The following EXOC2 variants were observed in gnomAD, a reference collection of about 807,000 sequenced individuals.
The protein encoded by EXOC2 is SEC5-like 1.
In EXOC2, 70 loss-of-function variants were observed where a neutral mutation model predicts 131.8. The observed-to-expected ratio is 0.53, with a 90% CI of 0.44 to 0.65. EXOC2 has a LOEUF of 0.65. EXOC2 is among the 30% of genes least tolerant of loss of function. The pLI is 0.00. For missense variants in EXOC2, 923 were observed against 1,108.6 expected, an observed-to-expected ratio of 0.83 and a Z score of 2.38; for synonymous variants, 411 against 398.4, an observed-to-expected ratio of 1.03 and a Z score of -0.38.
At chr6:628,403 T>G (rs1761686441) in intron 4 of EXOC2, among the ~76,000 whole-genome samples, 1 of 152,154 alleles carries the variant, frequency 6.6e-6, no homozygotes, top group Non-Finnish European at 1.5e-5. Flanking sequence ...TTAGACGCAG[T>G]TCAGGCCAAA....
intron 1 of EXOC2, among the ~76,000 whole-genome samples, chr6:672,834 A>T (rs866627283): frequency 2.1e-4 from 31 of 151,044 alleles, no homozygotes; most frequent in African/African-American, 7.6e-4. Context: ...AAACTGCAAG[A>T]GCTTTGTTTT....
intron 23 of EXOC2, among the ~76,000 whole-genome samples, 168 bp from the exon 24 acceptor site, chr6:499,868 A>C (rs995713083): frequency 6.6e-6 from 1 of 152,160 alleles, no homozygotes; most frequent in Non-Finnish European, 1.5e-5. Context: ...ATTTCCATAC[A>C]GGTCAAAAAG....
intron 22 of EXOC2, among the ~76,000 whole-genome samples, chr6:533,143 C>T (rs1209219878): frequency 1.3e-5 from 2 of 152,124 alleles, no homozygotes; most frequent in Non-Finnish European, 2.9e-5. Context: ...CCTGGTCTCT[C>T]CCTTGACACG....
chr6:681,593 C>G lies in EXOC2; in HGVS notation c.-44+11426G>C, dbSNP rs550895518. On this transcript the variant is annotated intron_variant, in intron 1 of 27. Coordinates refer to ENST00000230449, the MANE Select transcript of EXOC2 (RefSeq NM_018303.6). ...CTTGTTTTTCAACTATCCTTTAGTC[C>G]TATAAAAACTAGGCCAAAACTCATT... Among the ~76,000 whole-genome samples, 65 of 152,062 alleles carry G rather than the reference C, an allele frequency of 4.3e-4. 1 individual carries two copies. Among genetic ancestry groups the G allele is most frequent in the African/African-American group, 1.6e-3 (65 of 41,462 alleles).
chr6:541,522 C>T (rs1259241132), intron 22 of EXOC2, among the ~76,000 whole-genome samples: 1 of 152,024 alleles, frequency 6.6e-6, no homozygotes, highest in Non-Finnish European at 1.5e-5. Context: ...AATAAAAATA[C>T]AAACAAGCGA....
chr6:567,996 TG>T (rs1281720814), intron 13 of EXOC2, among the ~76,000 whole-genome samples: 1 of 152,146 alleles, frequency 6.6e-6, no homozygotes, highest in African/African-American at 2.4e-5. Context: ...GTGTGACGGT[TG>T]GGGGTTAGGA....
chr6:534,627 C>T (rs995043387), intron 22 of EXOC2, among the ~76,000 whole-genome samples: 4 of 152,182 alleles, frequency 2.6e-5, no homozygotes, highest in East Asian at 1.9e-4. Flanking sequence ...ATTTAGCCAG[C>T]GTGTCATTCT....
At chr6:588,494 A>C (rs1759340678) in intron 11 of EXOC2, among the ~76,000 whole-genome samples, 1 of 152,120 alleles carries the variant, frequency 6.6e-6, no homozygotes, top group Non-Finnish European at 1.5e-5. Flanking sequence ...CTGGGCCTAT[A>C]CCTGGCTATA....
intron 4 of EXOC2, 104 bp downstream of exon 4, chr6:629,731 G>A: frequency 5.0e-6 from 7 of 1,407,842 alleles, no homozygotes; most frequent in Non-Finnish European, 6.7e-6. Context: ...GTCTTCAACT[G>A]TGTTTCCTGG....
chr6:507,076 ACAC>A (rs1163092663), intron 23 of EXOC2, among the ~76,000 whole-genome samples: 1 of 147,336 alleles, frequency 6.8e-6, no homozygotes, highest in East Asian at 2.0e-4. Flanking sequence ...ACACACACAC[ACAC>A]AGCAGTGACT....
At position 598,088 on chromosome 6, in the gene EXOC2, T is replaced by A. The variant is rs746729900; in HGVS notation, c.1006A>T (p.Arg336Ter). ...AEVETRIEAL[R>*]ELLLDKLLET... Reference sequence around the variant, plus strand: ...AGCAATTTATCCAGAAGTAATTCTCTTAAAGCTTCAATCCTTGTTTCTACT... The same window carrying A: ...AGCAATTTATCCAGAAGTAATTCTCATAAAGCTTCAATCCTTGTTTCTACT... The change falls in exon 10 of 28, where the codon AGA (arginine) becomes TGA (stop). Residue 336 changes from arginine (R) to a stop codon, truncating the protein, a stop_gained. Transcript: ENST00000230449. LOFTEE classifies it high-confidence loss of function. The A allele has an allele frequency of 2.5e-6, 4 of 1,613,678 alleles. No homozygotes were observed.
intron 9 of EXOC2, among the ~76,000 whole-genome samples, 195 bp from the exon 10 acceptor site, chr6:598,318 A>G (rs1759934484): frequency 6.6e-6 from 1 of 152,222 alleles, no homozygotes; most frequent in Non-Finnish European, 1.5e-5. Context: ...GACCTCTAAC[A>G]TGTGAGGTCT....
At chr6:538,994 C>T (rs1422292144) in intron 22 of EXOC2, among the ~76,000 whole-genome samples, 2 of 151,620 alleles carry the variant, frequency 1.3e-5, no homozygotes, top group East Asian at 1.9e-4. Flanking sequence ...TGCTTGAACC[C>T]GGGAGGCGGA....
At chr6:692,214 G>A (rs6917955) in intron 1 of EXOC2, among the ~76,000 whole-genome samples, 22,742 of 152,230 alleles carry the variant, frequency 0.15, 1,946 homozygotes, top group African/African-American at 0.23. Flanking sequence ...AAAGGCATCA[G>A]ACTTAAAATT....
chr6:656,708 G>A (rs1286410339), intron 1 of EXOC2: 3 of 1,603,484 alleles, frequency 1.9e-6, no homozygotes, highest in South Asian at 2.2e-5. Flanking sequence ...TCAGCTCCAG[G>A]TGGATCTCAT....
intron 1 of EXOC2, among the ~76,000 whole-genome samples, chr6:663,841 G>C (rs1278424801): frequency 6.6e-6 from 1 of 152,136 alleles, no homozygotes; most frequent in East Asian, 1.9e-4. Context: ...ATACTGAATG[G>C]GGAAAAGTTG....
At chr6:589,324 G>A (rs922864531) in intron 11 of EXOC2, among the ~76,000 whole-genome samples, 1 of 151,724 alleles carries the variant, frequency 6.6e-6, no homozygotes, top group Non-Finnish European at 1.5e-5. Context: ...ACTGACTGTC[G>A]AGCACCTGCA....
chr6:691,458 T>C (rs938360787), intron 1 of EXOC2, among the ~76,000 whole-genome samples: 2 of 152,236 alleles, frequency 1.3e-5, no homozygotes, highest in Admixed American at 6.5e-5. Flanking sequence ...ATGCAGACTA[T>C]GGGGATAATA....
intron 13 of EXOC2, among the ~76,000 whole-genome samples, chr6:568,193 T>C (rs1159125265): frequency 6.6e-6 from 1 of 152,210 alleles, no homozygotes; most frequent in African/African-American, 2.4e-5. Context: ...TCTGGATAGA[T>C]TAACATGCGC....
Sources: gnomAD v4.1 joint callset for allele counts (sites outside exome capture counted in the v4.1 genomes callset) on GRCh38, gnomAD v4.1.1 for gene constraint, MANE v1.5 for transcripts, NCBI Gene and HGNC (gene_info 2026-07-23, HGNC 2026-07-21) for gene names.